ACOT11: variants seen among roughly 807,000 people sequenced by gnomAD.
ACOT11 encodes the protein acyl-CoA thioesterase 11.
Under a neutral mutation model 77.5 loss-of-function variants are expected in ACOT11, and 69 were observed. That is an observed-to-expected ratio of 0.89 (90% confidence interval 0.73 to 1.09). The LOEUF (loss-of-function observed/expected upper bound fraction) is 1.09, where lower values mean the gene tolerates loss of function less well. ACOT11 is among the 50% of genes least tolerant of loss of function. The pLI, the probability that ACOT11 is intolerant of heterozygous loss-of-function variation, is 0.00. For synonymous variants in ACOT11, 279 were observed against 313.0 expected (o/e 0.89, Z 1.15); for missense variants, 766 against 813.7 (o/e 0.94, Z 0.71).
At chr1:54,600,960 C>A (rs1488948258) in intron 8 of ACOT11, among the ~76,000 whole-genome samples, 6 of 152,184 alleles carry the variant, frequency 3.9e-5, no homozygotes, top group Admixed American at 2.6e-4. Context: ...CGCATCCTCA[C>A]AGGGCCGGAC....
chr1:54,562,592 G>T (rs74420428), intron 1 of ACOT11, among the ~76,000 whole-genome samples: 66 of 137,194 alleles, frequency 4.8e-4, no homozygotes, highest in Non-Finnish European at 8.1e-4. Flanking sequence ...CGGGCGGAGA[G>T]GCTCCTCACT....
At chr1:54,599,618 C>G (rs1300748752) in intron 8 of ACOT11, 1 of 471,124 alleles carries the variant, frequency 2.1e-6, no homozygotes, top group Non-Finnish European at 3.2e-6. Flanking sequence ...GTCCTGCCCA[C>G]CCCTGGCTGG....
intron 1 of ACOT11, among the ~76,000 whole-genome samples, chr1:54,561,453 G>A (rs1478148054): frequency 4.3e-5 from 5 of 117,306 alleles, no homozygotes; most frequent in Non-Finnish European, 1.7e-5. Context: ...CCAAGGCAGA[G>A]GAATTTTTCT....
intron 1 of ACOT11, among the ~76,000 whole-genome samples, chr1:54,566,364 C>T (rs956314830): frequency 2.7e-5 from 4 of 150,260 alleles, no homozygotes; most frequent in Admixed American, 6.7e-5. Context: ...GGCTGAGGCA[C>T]GAGAATCGCT....
chr1:54,606,000 G>C (rs554823580), intron 13 of ACOT11, among the ~76,000 whole-genome samples: 6 of 152,198 alleles, frequency 3.9e-5, no homozygotes, highest in Non-Finnish European at 8.8e-5. Context: ...AATTCAGTCC[G>C]CTGGTCACTT....
intron 15 of ACOT11, chr1:54,619,959 A>G: frequency 1.2e-6 from 2 of 1,614,162 alleles, no homozygotes; most frequent in Non-Finnish European, 8.5e-7. Flanking sequence ...CAGGCTCAGC[A>G]GGTAGTCCAG....
chr1:54,551,017 A>G lies in ACOT11; in HGVS notation c.33+2675A>G, dbSNP rs544962729. Among the ~76,000 whole-genome samples the G allele has an allele frequency of 8.7e-5, 13 of 150,192 alleles. No individual in the cohort carries two copies. In the South Asian group the frequency reaches 1.9e-3, roughly 22 times the overall value. ...TAGCTGGGCATGGTGGCATGCTCCTATAGTCCCAGCTACTCGGGATGCCGA... is the reference window on the plus strand; with the variant it reads ...TAGCTGGGCATGGTGGCATGCTCCTGTAGTCCCAGCTACTCGGGATGCCGA... On this transcript the variant is annotated intron_variant, in intron 1 of 15. Transcript: ENST00000343744.
chr1:54,557,290 G>A (rs12406932), intron 1 of ACOT11, among the ~76,000 whole-genome samples: 33,500 of 149,732 alleles, frequency 0.22, 3,898 homozygotes, highest in African/African-American at 0.27. Context: ...TACTGAGGAG[G>A]CTGAGGCAGG....
chr1:54,593,714 G>A (rs960623133), intron 4 of ACOT11, among the ~76,000 whole-genome samples: 11 of 152,246 alleles, frequency 7.2e-5, no homozygotes, highest in Admixed American at 2.0e-4. Flanking sequence ...TGTAGATGAG[G>A]AAACTGAGAC....
chr1:54,599,244 T>A (rs1643934934), intron 7 of ACOT11, 52 bp from the exon 8 acceptor site: 1 of 1,196,658 alleles, frequency 8.4e-7, no homozygotes, highest in African/African-American at 1.8e-5. Context: ...CCCAAACTAG[T>A]GGCTGAAGCA....
chr1:54,551,801 G>A (rs772247504), intron 1 of ACOT11, among the ~76,000 whole-genome samples: 26 of 150,930 alleles, frequency 1.7e-4, no homozygotes, highest in Non-Finnish European at 3.5e-4. Context: ...TCACCCAGGA[G>A]TGCGGTGGTG....
At chr1:54,623,196 G>T (rs1481576739) in intron 15 of ACOT11, 11 of 909,474 alleles carry the variant, frequency 1.2e-5, no homozygotes, top group Non-Finnish European at 1.9e-5. Context: ...AAAGGGACTG[G>T]TCAGAGCTGT....
chr1:54,560,948 C>A (rs1228938388), intron 1 of ACOT11, among the ~76,000 whole-genome samples: 1 of 152,126 alleles, frequency 6.6e-6, no homozygotes, highest in Non-Finnish European at 1.5e-5. Context: ...GTCTCGAACT[C>A]CTGACCTTAG....
At chr1:54,588,013 G>C (rs1654567918) in intron 3 of ACOT11, among the ~76,000 whole-genome samples, 1 of 152,114 alleles carries the variant, frequency 6.6e-6, no homozygotes, top group Non-Finnish European at 1.5e-5. Context: ...AGGAGTTTGA[G>C]ACTAGCTGGG....
At chr1:54,586,357 G>A (rs150191751) in intron 3 of ACOT11, among the ~76,000 whole-genome samples, 28 of 152,196 alleles carry the variant, frequency 1.8e-4, no homozygotes, top group African/African-American at 6.5e-4. Context: ...CCAGAAGCTT[G>A]GGCCATTCAA....
Position 54,607,844 on chromosome 1 carries a change from G to A in ACOT11, c.1503-98G>A. 2.0e-6 allele frequency: 3 copies of A among 1,505,582 alleles called. No individual in the cohort carries two copies. The highest frequency in any genetic ancestry group is 2.7e-6 in the Non-Finnish European group (3 of 1,101,348). The allele number at this position is 1,505,582 out of a possible 1,614,324, so 93.3% of individuals were successfully genotyped here. On this transcript the variant is annotated intron_variant, in intron 14 of 15. Transcript: ENST00000343744. This position sits in a 1 kb window ranked among gnomAD's most constrained non-coding sequence, Gnocchi z 4.5. Reference sequence around the variant, plus strand: ...TGCATCCCCCTGGTGAGGAATCTGTGCTAGAGGGGGCAGGGTCTCGGCCTT... The same window carrying A: ...TGCATCCCCCTGGTGAGGAATCTGTACTAGAGGGGGCAGGGTCTCGGCCTT...
chr1:54,623,527 C>T, intron 15 of ACOT11: 1 of 711,214 alleles, frequency 1.4e-6, no homozygotes, highest in African/African-American at 1.8e-5. Flanking sequence ...GTCTGCTCTG[C>T]AGCCCTGTAA....
chr1:54,623,393 C>T, intron 15 of ACOT11: 1 of 1,612,506 alleles, frequency 6.2e-7, no homozygotes, highest in Non-Finnish European at 8.5e-7. Flanking sequence ...CCCTGCAGAC[C>T]ATGGCGACGC....
chr1:54,556,189 G>C (rs1052233651), intron 1 of ACOT11, among the ~76,000 whole-genome samples: 7 of 152,184 alleles, frequency 4.6e-5, no homozygotes, highest in African/African-American at 1.7e-4. Flanking sequence ...TCAGTTGGCT[G>C]TAAATGTGTA....
Sources: gnomAD v4.1 joint callset for allele counts (sites outside exome capture counted in the v4.1 genomes callset) on GRCh38, gnomAD v4.1.1 for gene constraint, Gnocchi (gnomAD v3.1) non-coding constraint, MANE v1.5 for transcripts, NCBI Gene and HGNC (gene_info 2026-07-23, HGNC 2026-07-21) for gene names.